The following OGG1 variants were observed in gnomAD, a reference collection of about 807,000 sequenced individuals.
OGG1 encodes 8-oxoguanine DNA glycosylase, also known as N-glycosylase/DNA lyase.
In OGG1, 35 loss-of-function variants were observed where a neutral mutation model predicts 42.3. The observed-to-expected ratio is 0.83, with a 90% CI of 0.63 to 1.10. The LOEUF (loss-of-function observed/expected upper bound fraction) is 1.10, where lower values mean the gene tolerates loss of function less well. Ranked by LOEUF, OGG1 falls within the 50% of genes least tolerant of loss-of-function variation. OGG1 has a pLI of 0.00. For missense variants in OGG1, 484 were observed against 446.7 expected (o/e 1.08, Z -0.75); for synonymous variants, 189 against 179.0 (o/e 1.06, Z -0.44).
At chr3:9,755,100 G>A (rs1305540518) in intron 4 of OGG1, among the ~76,000 whole-genome samples, 1 of 152,190 alleles carries the variant, frequency 6.6e-6, no homozygotes, top group African/African-American at 2.4e-5. Context: ...AAGACCATTT[G>A]TTCAGATGCA....
At chr3:9,767,405 T>C (rs916650711), downstream of OGG1, among the ~76,000 whole-genome samples, 5 of 152,254 alleles carry the variant, frequency 3.3e-5, no homozygotes, top group Non-Finnish European at 2.9e-5. Flanking sequence ...CACTTAGCTC[T>C]TGGCAGCAAG....
At chr3:9,753,185 C>G (rs2077380876) in intron 3 of OGG1, among the ~76,000 whole-genome samples, 1 of 151,870 alleles carries the variant, frequency 6.6e-6, no homozygotes, top group Non-Finnish European at 1.5e-5. Flanking sequence ...AACCCGCTCT[C>G]TGCTAAAAAT....
At chr3:9,767,762 C>T (rs200234296), downstream of OGG1, 35 of 1,613,840 alleles carry the variant, frequency 2.2e-5, no homozygotes, top group Admixed American at 1.5e-4. Context: ...CCCACTGCCC[C>T]CCGACCACAG....
intron 3 of OGG1, among the ~76,000 whole-genome samples, chr3:9,752,941 C>T (rs575626920): frequency 5.3e-4 from 81 of 152,050 alleles, no homozygotes; most frequent in African/African-American, 1.7e-3. Flanking sequence ...CCAGCTACTC[C>T]GGAGGGTGAG....
chr3:9,775,668 C>T (rs1291692783), intron 2 of OGG1, among the ~76,000 whole-genome samples: 4 of 149,284 alleles, frequency 2.7e-5, no homozygotes, highest in African/African-American at 7.4e-5. Flanking sequence ...TTGAGACAGT[C>T]TCACTCTGTC....
chr3:9,750,537 A>G, intron 1 of OGG1, 114 bp downstream of exon 1: 3 of 1,479,802 alleles, frequency 2.0e-6, no homozygotes, highest in East Asian at 2.4e-5. Flanking sequence ...CCCGGGGTAC[A>G]AAAGAGGAAA....
chr3:9,757,723 C>T (rs2125561170), downstream of OGG1: 1 of 1,614,146 alleles, frequency 6.2e-7, no homozygotes, highest in Non-Finnish European at 8.5e-7. The surrounding 1 kb of genome is among the most constrained non-coding windows in gnomAD (Gnocchi z 4.5). Context: ...AGAGCCCGCT[C>T]CTCACCCCCA....
At chr3:9,779,107 C>A (rs1016733640) in intron 2 of OGG1, among the ~76,000 whole-genome samples, 1 of 152,140 alleles carries the variant, frequency 6.6e-6, no homozygotes, top group Non-Finnish European at 1.5e-5. Flanking sequence ...CCTGCCCCAG[C>A]TGTGGAAGAG....
At chr3:9,780,132 C>T (rs2078425290) in intron 2 of OGG1, 3 of 447,478 alleles carry the variant, frequency 6.7e-6, no homozygotes, top group South Asian at 5.1e-5. Context: ...AACCCCATCT[C>T]GGGGACCAAG....
At chr3:9,789,708 A>G (rs769069514), downstream of OGG1, 5 of 1,611,852 alleles carry the variant, frequency 3.1e-6, no homozygotes, top group African/African-American at 5.3e-5. Context: ...TCTCTAGCCC[A>G]GAACCTGTTG....
intron 3 of OGG1, chr3:9,783,160 ATTCT>A (rs2078519669): frequency 6.6e-6 from 1 of 152,204 alleles, no homozygotes; most frequent in African/African-American, 2.4e-5. Flanking sequence ...TTATTGTATG[ATTCT>A]TTCAGATTTT....
intron 3 of OGG1, chr3:9,786,875 A>C (rs2078626658): frequency 1.3e-6 from 1 of 764,068 alleles, no homozygotes; most frequent in African/African-American, 1.7e-5. Flanking sequence ...ATATTAGTCC[A>C]GGTTTTTACT....
In OGG1 at chr3:9,750,438, C is replaced by T. The variant is rs767174531; in HGVS notation, c.137+15C>T. On this transcript the variant is annotated intron_variant, in intron 1 of 6. Transcript: ENST00000344629. ...CAATCTTTCCGGTGAGTGACTGAGC[C>T]TGAGAAGCCTGTCCCCTCGGACTGG... The T allele has an allele frequency of 3.7e-6, 6 of 1,613,548 alleles. No homozygotes were observed. Among genetic ancestry groups the T allele is most frequent in the Non-Finnish European group, 3.4e-6 (4 of 1,179,982 alleles).
intron 2 of OGG1, among the ~76,000 whole-genome samples, chr3:9,771,810 C>CTTT (rs5846644): frequency 1.0e-4 from 7 of 66,712 alleles, no homozygotes; most frequent in East Asian, 5.4e-4. Context: ...TGTACAACTT[C>CTTT]TTTTTTTTTT....
rs2077586274 is a variant in OGG1 at position 9,756,786 on chromosome 3, G to A, written c.918G>A (p.Leu306=). 1 of 1,614,136 alleles carries A rather than the reference G, an allele frequency of 6.2e-7. No individual in the cohort carries two copies. The highest frequency in any genetic ancestry group is 8.5e-7 in the Non-Finnish European group (1 of 1,180,018). ...NKELGNFFRS[L]WGPYAGWAQA... is the part of the protein sequence containing the mutation. ...ATTTAGGAAACTTTTTCCGGAGCCTGTGGGGACCTTATGCTGGCTGGGCCC... is the reference window on the plus strand; with the variant it reads ...ATTTAGGAAACTTTTTCCGGAGCCTATGGGGACCTTATGCTGGCTGGGCCC... Residue 306 remains leucine (L), a synonymous_variant, in exon 6 of 7, where the codon CTG becomes CTA. Coordinates refer to ENST00000344629, the MANE Select transcript of OGG1 (RefSeq NM_002542.6).
chr3:9,757,516 A>T, downstream of OGG1: 1 of 1,608,892 alleles, frequency 6.2e-7, no homozygotes, highest in Non-Finnish European at 8.5e-7. This position sits in a 1 kb window ranked among gnomAD's most constrained non-coding sequence, Gnocchi z 4.5. Context: ...CACGCAGAGG[A>T]TCATGACCCG....
chr3:9,766,235 A>G (rs761360410), exon 8 of OGG1: 1 of 718,032 alleles, frequency 1.4e-6, no homozygotes, highest in South Asian at 1.5e-5. Flanking sequence ...TGAAATTAAC[A>G]CAAAGGAAGT....
intron 1 of OGG1, 24 bp from the exon 2 acceptor site, chr3:9,750,921 G>A: frequency 1.2e-6 from 2 of 1,613,610 alleles, no homozygotes; most frequent in African/African-American, 1.3e-5. Flanking sequence ...TGAGTGCCAG[G>A]GTTGTCATGT....
At chr3:9,754,676 T>C in intron 3 of OGG1, 28 bp from the exon 4 acceptor site, 1 of 1,612,132 alleles carries the variant, frequency 6.2e-7, no homozygotes, top group Non-Finnish European at 8.5e-7. Context: ...AGATGCCTGA[T>C]GCTTGCCCTC....
Sources: allele counts gnomAD v4.1 joint callset (sites outside exome capture counted in the v4.1 genomes callset), GRCh38; gene constraint gnomAD v4.1.1; non-coding constraint Gnocchi (gnomAD v3.1); transcripts MANE v1.5; gene names NCBI Gene and HGNC (gene_info 2026-07-23, HGNC 2026-07-21).